PRKD1: variants seen among roughly 807,000 people sequenced by gnomAD.
PRKD1 encodes serine/threonine-protein kinase D1.
PRKD1 carries 63 observed loss-of-function variants against 95.9 expected under a neutral mutation model. That is an observed-to-expected ratio of 0.66 (90% CI 0.54 to 0.81). The LOEUF (loss-of-function observed/expected upper bound fraction) is 0.81, where lower values mean the gene tolerates loss of function less well. Among genes scored for constraint, PRKD1 ranks in the 30% least tolerant of loss-of-function variants. PRKD1 has a pLI of 0.00. For synonymous variants in PRKD1, 425 were observed against 423.1 expected, an observed-to-expected ratio of 1.00 and a Z score of -0.05; for missense variants, 1,048 against 1,165.3, an observed-to-expected ratio of 0.90 and a Z score of 1.47.
chr14:29,836,183 C>T (rs896352066), intron 1 of PRKD1, among the ~76,000 whole-genome samples: 3 of 152,118 alleles, frequency 2.0e-5, no homozygotes, highest in African/African-American at 7.2e-5. Context: ...TACAGCTACC[C>T]AACTGCAAAA....
chr14:29,841,249 C>T (rs1785312664), intron 1 of PRKD1, among the ~76,000 whole-genome samples: 1 of 152,162 alleles, frequency 6.6e-6, no homozygotes, highest in African/African-American at 2.4e-5. Context: ...GGACTGTGGA[C>T]TTTTGAGTTA....
chr14:29,661,305 A>C (rs1180608854), intron 4 of PRKD1, among the ~76,000 whole-genome samples: 1 of 152,318 alleles, frequency 6.6e-6, no homozygotes, highest in African/African-American at 2.4e-5. Flanking sequence ...CTGTCTTTAC[A>C]AGGGTCAGGC....
chr14:29,619,897 G>C (rs1056226372), intron 13 of PRKD1, among the ~76,000 whole-genome samples: 7 of 151,966 alleles, frequency 4.6e-5, no homozygotes, highest in African/African-American at 1.7e-4. Flanking sequence ...CAAAGCTGGA[G>C]GCATCACACT....
chr14:29,720,792 T>A (rs147789101), intron 2 of PRKD1, among the ~76,000 whole-genome samples: 11,592 of 147,216 alleles, frequency 0.079, 864 homozygotes, highest in African/African-American at 0.2. Flanking sequence ...AAAAAATAAA[T>A]AAATAAATAA....
chr14:29,720,280 T>C (rs911349039), intron 2 of PRKD1, among the ~76,000 whole-genome samples: 1 of 152,124 alleles, frequency 6.6e-6, no homozygotes, highest in Non-Finnish European at 1.5e-5. Context: ...GGGCACAGAA[T>C]GATTACAAGT....
intron 1 of PRKD1, among the ~76,000 whole-genome samples, chr14:29,854,254 T>C (rs1206650197): frequency 1.3e-5 from 2 of 152,196 alleles, no homozygotes; most frequent in African/African-American, 4.8e-5. Flanking sequence ...TGGAACTTCC[T>C]AGAGACTTGT....
At chr14:29,909,488 G>T (rs185438367) in intron 1 of PRKD1, among the ~76,000 whole-genome samples, 57 of 152,296 alleles carry the variant, frequency 3.7e-4, no homozygotes, top group Admixed American at 4.6e-4. Context: ...GTCTAGTAGG[G>T]ACTCGGAGAA....
At chr14:29,923,862 T>C (rs1172726534) in intron 1 of PRKD1, among the ~76,000 whole-genome samples, 1 of 147,218 alleles carries the variant, frequency 6.8e-6, no homozygotes, top group Admixed American at 6.8e-5. Context: ...GTGTGGTAGA[T>C]AAGTAGATGA....
chr14:29,880,103 G>A (rs1471191388), intron 1 of PRKD1, among the ~76,000 whole-genome samples: 3 of 152,182 alleles, frequency 2.0e-5, no homozygotes, highest in Admixed American at 6.5e-5. Flanking sequence ...GTAGCAAGGA[G>A]CCTAATGTTA....
intron 1 of PRKD1, among the ~76,000 whole-genome samples, chr14:29,798,166 T>C (rs1331912567): frequency 1.3e-5 from 2 of 152,236 alleles, no homozygotes; most frequent in South Asian, 2.1e-4. Context: ...GGGAAAATTT[T>C]ATGTTTTTGC....
intron 1 of PRKD1, among the ~76,000 whole-genome samples, chr14:29,880,658 A>G (rs1290247492): frequency 1.3e-5 from 2 of 152,096 alleles, no homozygotes; most frequent in East Asian, 3.9e-4. Context: ...CCATGCACCA[A>G]GAAAAGCCTC....
At chr14:29,922,054 T>C (rs947387415) in intron 1 of PRKD1, among the ~76,000 whole-genome samples, 1 of 152,082 alleles carries the variant, frequency 6.6e-6, no homozygotes, top group Non-Finnish European at 1.5e-5. Flanking sequence ...AAGCAGAGTT[T>C]CTCTTGGGAG....
intron 1 of PRKD1, among the ~76,000 whole-genome samples, chr14:29,904,297 A>T (rs1418740258): frequency 6.6e-6 from 1 of 152,234 alleles, no homozygotes; most frequent in Admixed American, 6.5e-5. Flanking sequence ...AAACCGCCTG[A>T]AAAAGCTTAA....
chr14:29,739,045 A>C (rs1012257829), intron 1 of PRKD1, among the ~76,000 whole-genome samples: 3 of 152,102 alleles, frequency 2.0e-5, no homozygotes, highest in Non-Finnish European at 2.9e-5. Flanking sequence ...CATGTTGGCC[A>C]GGCTGATCTT....
intron 13 of PRKD1, among the ~76,000 whole-genome samples, chr14:29,623,873 G>A (rs1429537213): frequency 6.6e-6 from 1 of 152,090 alleles, no homozygotes; most frequent in Non-Finnish European, 1.5e-5. Context: ...AATGGTCTCA[G>A]CATGTCCACT....
At chr14:29,768,069 C>T (rs542308459) in intron 1 of PRKD1, among the ~76,000 whole-genome samples, 24 of 152,228 alleles carry the variant, frequency 1.6e-4, no homozygotes, top group African/African-American at 4.6e-4. Flanking sequence ...AACTTCTGAA[C>T]GGAGCAAGAC....
At chr14:29,775,943 G>T (rs974385551) in intron 1 of PRKD1, among the ~76,000 whole-genome samples, 2 of 152,114 alleles carry the variant, frequency 1.3e-5, no homozygotes, top group Non-Finnish European at 2.9e-5. Flanking sequence ...CCTCTGAGAC[G>T]AAGCTTCCAG....
Position 29,725,648 on chromosome 14 carries a change from C to A in PRKD1, c.291G>T (p.Met97Ile), listed in dbSNP as rs144702345. The A allele has an allele frequency of 2.1e-5, 34 of 1,613,524 alleles. No individual in the cohort carries two copies. The African/African-American group carries it at 4.0e-4, about 19-fold the overall frequency. ...QKFPECGFYGMYDKILLFRHD... is the reference protein window; with the variant it reads ...QKFPECGFYGIYDKILLFRHD... ...GGCGAAAAAGCAGGATCTTATCATA[C>A]ATTCCGTAGAAACCACATTCAGGGA... The change falls in exon 2 of 18, where the codon ATG becomes ATT. Residue 97 changes from methionine to isoleucine, a missense_variant. Met to Ile is a conservative substitution (Grantham distance 10, BLOSUM62 1). Around this residue, in one of 3 missense-constraint regions of PRKD1, gnomAD observed 275 missense variants for 248.6 expected, o/e 1.11. Coordinates refer to ENST00000331968, the MANE Select transcript of PRKD1 (RefSeq NM_002742.3).
chr14:29,870,605 T>C (rs1958987), intron 1 of PRKD1, among the ~76,000 whole-genome samples: 45,584 of 152,032 alleles, frequency 0.3, 6,931 homozygotes, highest in East Asian at 0.35. Flanking sequence ...CTTGTAAAAA[T>C]TCCTTTCATT....
Sources: allele counts gnomAD v4.1 joint callset (sites outside exome capture counted in the v4.1 genomes callset), GRCh38; gene constraint gnomAD v4.1.1; regional missense constraint gnomAD v4.1.1; transcripts MANE v1.5; gene names NCBI Gene and HGNC (gene_info 2026-07-23, HGNC 2026-07-21).